Variants in LBR observed in about 807,000 individuals in gnomAD.
LBR encodes lamin B receptor.
In LBR, 28 loss-of-function variants were observed where a neutral mutation model predicts 74.3. The ratio of observed to expected loss-of-function variants is 0.38; its 90% CI spans 0.28 to 0.52. The LOEUF (loss-of-function observed/expected upper bound fraction) is 0.52. Ranked by LOEUF, LBR falls within the 20% of genes least tolerant of loss-of-function variation. The probability of loss-of-function intolerance (pLI) is 0.89; values close to 1 mark genes in which losing one functional copy is unlikely to be tolerated. For missense variants in LBR, 717 were observed against 760.3 expected (o/e 0.94, Z 0.67); for synonymous variants, 228 against 269.3 (o/e 0.85, Z 1.50).
chr1:225,408,751 T>C (rs186525105), intron 10 of LBR, among the ~76,000 whole-genome samples: 16 of 152,378 alleles, frequency 1.1e-4, no homozygotes, highest in Non-Finnish European at 1.9e-4. Flanking sequence ...TCTAGTTCTC[T>C]ACCCCTGGGG....
chr1:225,403,817 C>T (rs1041480779), intron 13 of LBR, among the ~76,000 whole-genome samples: 22 of 152,178 alleles, frequency 1.4e-4, no homozygotes, highest in Admixed American at 8.5e-4. Flanking sequence ...GCAGCAGGCA[C>T]GGGCCAGCTC....
chr1:225,417,220 A>AT (rs2096118960), intron 6 of LBR, among the ~76,000 whole-genome samples: 1 of 152,210 alleles, frequency 6.6e-6, no homozygotes, highest in Non-Finnish European at 1.5e-5. Context: ...TTAAGCCTGC[A>AT]GCTCTACCCT....
Position 225,406,828 on chromosome 1 carries a change from G to A in LBR, c.1319C>T (p.Ala440Val), listed in dbSNP as rs778378796. 5.6e-6 allele frequency: 9 copies of A among 1,614,034 alleles called. No homozygotes were observed. Among genetic ancestry groups the A allele is most frequent in the East Asian group, 2.2e-5 (1 of 44,888 alleles). ...YVVDALWNEE[A>V]LLTTMDIIHD... ...GATGATGTCCATGGTCGTCAACAACGCTTCCTATAAGGATACAGACGGGGA... is the reference window on the plus strand; with the variant it reads ...GATGATGTCCATGGTCGTCAACAACACTTCCTATAAGGATACAGACGGGGA... Residue 440 changes from alanine (A) to valine (V), a missense_variant, in exon 11 of 14, where the codon GCG becomes GTG. Physicochemically the swap from Ala to Val is moderately conservative, Grantham distance 64. Transcript: ENST00000272163.
intron 10 of LBR, 137 bp downstream of exon 10, chr1:225,410,154 C>T: frequency 7.5e-7 from 1 of 1,324,560 alleles, no homozygotes; most frequent in Non-Finnish European, 1.1e-6. Flanking sequence ...ACATGGATGG[C>T]CTCGTCCTCC....
intron 10 of LBR, among the ~76,000 whole-genome samples, chr1:225,407,692 A>G (rs1437192719): frequency 6.6e-6 from 1 of 152,226 alleles, no homozygotes; most frequent in Admixed American, 6.5e-5. Context: ...ATGTAGAAAT[A>G]TTAGCCAGTA....
rs1466887687 is a variant in LBR at position 225,405,216 on chromosome 1, AATCCCACTTT to A, written c.1484-520_1484-511del. ...CATCCTGCACTTTAAATACATGCTG[AATCCCACTTT>A]AAGTCTATAAGTTCCTAATTTTATC... On this transcript the variant is annotated intron_variant, in intron 11 of 13. Transcript: ENST00000272163. Among the ~76,000 whole-genome samples the A allele has an allele frequency of 3.3e-5, 5 of 152,352 alleles. No homozygotes were observed. The East Asian group carries it at 9.6e-4, about 29-fold the overall frequency.
At chr1:225,422,623 A>G (rs1277189144) in intron 2 of LBR, among the ~76,000 whole-genome samples, 1 of 152,016 alleles carries the variant, frequency 6.6e-6, no homozygotes, top group Non-Finnish European at 1.5e-5. Context: ...AAAATAAATA[A>G]GCACACAGAC....
chr1:225,415,880 A>T (rs1225025170), intron 6 of LBR, among the ~76,000 whole-genome samples: 1 of 152,068 alleles, frequency 6.6e-6, no homozygotes, highest in Admixed American at 6.6e-5. Context: ...TTATTTAACC[A>T]TTTCATGTGA....
At chr1:225,403,529 T>C in intron 13 of LBR, 66 bp from the exon 14 acceptor site, 1 of 1,333,418 alleles carries the variant, frequency 7.5e-7, no homozygotes, top group South Asian at 1.2e-5. Flanking sequence ...TTTTTCCTGC[T>C]TTCCCCCAAA....
chr1:225,415,374 C>A, intron 6 of LBR, 42 bp from the exon 7 acceptor site: 1 of 1,055,560 alleles, frequency 9.5e-7, no homozygotes, highest in Admixed American at 1.8e-5. Flanking sequence ...AGCACATCAC[C>A]ATCATATATA....
chr1:225,405,948 A>G (rs779537119), intron 11 of LBR, among the ~76,000 whole-genome samples: 7 of 152,298 alleles, frequency 4.6e-5, no homozygotes, highest in South Asian at 4.1e-4. Flanking sequence ...AACCTCTAGT[A>G]TAAGTGTTTA....
chr1:225,423,857 G>A (rs2096133401), intron 2 of LBR, 54 bp downstream of exon 2: 1 of 1,510,998 alleles, frequency 6.6e-7, no homozygotes, highest in East Asian at 2.3e-5. Flanking sequence ...ACCATACTTA[G>A]AGTTATTTCC....
At chr1:225,425,297 T>G (rs1490030144) in intron 1 of LBR, among the ~76,000 whole-genome samples, 1 of 152,178 alleles carries the variant, frequency 6.6e-6, no homozygotes, top group Non-Finnish European at 1.5e-5. Context: ...GTGAAAAAAC[T>G]TAACAAGCTC....
chr1:225,417,853 C>T (rs908732593), intron 6 of LBR, 131 bp downstream of exon 6: 3 of 791,920 alleles, frequency 3.8e-6, no homozygotes, highest in Non-Finnish European at 6.5e-6. Flanking sequence ...CAGCATGGCA[C>T]AGGCCTGTGG....
chr1:225,415,142 A>G lies in LBR; in HGVS notation c.892+136T>C, dbSNP rs528215371. On this transcript the variant is annotated intron_variant, in intron 7 of 13. Coordinates refer to ENST00000272163, the MANE Select transcript of LBR (RefSeq NM_002296.4). Reference sequence around the variant, plus strand: ...ATTTATACAAGTTGGCTACAGGTATAAACAGTTGCTCTTCCAACTACTAAG... The same window carrying G: ...ATTTATACAAGTTGGCTACAGGTATGAACAGTTGCTCTTCCAACTACTAAG... 1.1e-4 allele frequency: 74 copies of G among 644,390 alleles called. 1 individual carries two copies. In the South Asian group the frequency reaches 1.3e-3, roughly 12 times the overall value. 39.9% of individuals were successfully genotyped at this position (644,390 alleles called of 1,614,324 possible). A position where few individuals can be genotyped will look rare whatever the true frequency, so the allele number is the denominator to read the frequency against.
intron 2 of LBR, 68 bp from the exon 3 acceptor site, chr1:225,422,345 G>T: frequency 7.8e-7 from 1 of 1,288,794 alleles, no homozygotes; most frequent in Non-Finnish European, 1.1e-6. Flanking sequence ...ACCCACACTA[G>T]AAGAGGATAA....
chr1:225,419,434 G>C lies in LBR; in HGVS notation c.469C>G (p.Gln157Glu), dbSNP rs536366620. Residue 157 changes from glutamine (Q) to glutamate (E), a missense_variant, in exon 5 of 14, where the codon CAA (glutamine) becomes GAA (glutamate). Transcript: ENST00000272163. The stretch of plus-strand genomic sequence containing the variant: ...TGTGTTGCTATGTAACTGCTTTCTT[G>C]TGACAAACTGAATTTTTCCTAAATG... ...KNTQEKFSLS[Q>E]ESSYIATQYS... 1 of 1,612,026 alleles carries C rather than the reference G, an allele frequency of 6.2e-7. No individual in the cohort carries two copies. Among genetic ancestry groups the C allele is most frequent in the South Asian group, 1.1e-5 (1 of 90,966 alleles).
chr1:225,421,287 A>C (rs1316935075), intron 3 of LBR, among the ~76,000 whole-genome samples: 2 of 152,204 alleles, frequency 1.3e-5, no homozygotes, highest in Non-Finnish European at 2.9e-5. Flanking sequence ...AGGTCAGGAA[A>C]TCGAGACCAT....
At chr1:225,420,006 C>A (rs1224723500) in intron 3 of LBR, among the ~76,000 whole-genome samples, 1 of 152,090 alleles carries the variant, frequency 6.6e-6, no homozygotes, top group Non-Finnish European at 1.5e-5. Context: ...GGATAGATTT[C>A]TACATAAAAT....
Sources: gnomAD v4.1 joint callset for allele counts (sites outside exome capture counted in the v4.1 genomes callset) on GRCh38, gnomAD v4.1.1 for gene constraint, MANE v1.5 for transcripts, NCBI Gene and HGNC (gene_info 2026-07-23, HGNC 2026-07-21) for gene names.